Variants in PTCHD4 observed in about 807,000 individuals in gnomAD.
PTCHD4 encodes patched domain-containing protein 4.
PTCHD4 carries 33 observed loss-of-function variants against 58.1 expected under a neutral mutation model. The observed-to-expected ratio is 0.57, with a 90% CI of 0.43 to 0.76. The LOEUF (loss-of-function observed/expected upper bound fraction) is 0.76, where lower values mean the gene tolerates loss of function less well. Among genes scored for constraint, PTCHD4 ranks in the 30% least tolerant of loss-of-function variants. The pLI is 0.00. For synonymous variants in PTCHD4, 478 were observed against 409.6 expected (o/e 1.17, Z -2.02); for missense variants, 1,058 against 1,027.1 (o/e 1.03, Z -0.41).
intron 4 of PTCHD4, among the ~76,000 whole-genome samples, chr6:47,907,651 A>G (rs896935689): frequency 5.3e-5 from 8 of 152,230 alleles, no homozygotes; most frequent in Non-Finnish European, 1.2e-4. Flanking sequence ...CCAAAGGACC[A>G]GAAAATAGCT....
At chr6:48,075,526 A>C (rs1765048315) in intron 1 of PTCHD4, among the ~76,000 whole-genome samples, 1 of 151,992 alleles carries the variant, frequency 6.6e-6, no homozygotes, top group African/African-American at 2.4e-5. Context: ...CATGTCAATA[A>C]ACCTTAGATT....
intron 1 of PTCHD4, among the ~76,000 whole-genome samples, chr6:48,105,498 G>A (rs1765699059): frequency 6.6e-6 from 1 of 152,108 alleles, no homozygotes; most frequent in South Asian, 2.1e-4. Flanking sequence ...GAGAAAGCAG[G>A]AAAGATCTAA....
rs1046224104 is a variant in PTCHD4 at position 47,876,194 on chromosome 6, T to C, written c.*2109A>G. ...CGTACCAAATACCAGTTCATTCTAG[T>C]ACAGCAGTTCATGAGGCAAAAGGCT... On this transcript the variant is annotated 3_prime_UTR_variant, in exon 5 of 5. Transcript: ENST00000339488. Among the ~76,000 whole-genome samples, 1 of 151,842 alleles carries C rather than the reference T, an allele frequency of 6.6e-6. No individual in the cohort carries two copies. Among genetic ancestry groups the C allele is most frequent in the Non-Finnish European group, 1.5e-5 (1 of 67,876 alleles).
rs1332676292 is a variant in PTCHD4, at chr6:48,068,477, G to A, written c.170C>T (p.Ala57Val). 5 of 1,613,582 alleles carry A rather than the reference G, an allele frequency of 3.1e-6. No individual in the cohort carries two copies. Among genetic ancestry groups the A allele is most frequent in the Non-Finnish European group, 4.2e-6 (5 of 1,179,834 alleles). Residue 57 changes from alanine (A) to valine (V), a missense_variant, in exon 3 of 5, where the codon GCG (alanine) becomes GTG (valine). Transcript: ENST00000339488. This position sits in a 1 kb window ranked among gnomAD's most constrained non-coding sequence, Gnocchi z 4.2. ...GCCCTCGGGCTGGAAGCGGTTGAGC[G>A]CGCTGAGGCCGAAGGTGATTGTCAG... ...AVLTITFGLSALNRFQPEGDL... is the reference protein window; with the variant it reads ...AVLTITFGLSVLNRFQPEGDL...
intron 4 of PTCHD4, among the ~76,000 whole-genome samples, chr6:47,936,387 A>C (rs749320209): frequency 1.3e-5 from 2 of 152,176 alleles, no homozygotes; most frequent in Non-Finnish European, 2.9e-5. Context: ...TAGATGGTAA[A>C]TTTTATGGTC....
intron 4 of PTCHD4, among the ~76,000 whole-genome samples, chr6:48,002,292 C>T (rs948073092): frequency 6.6e-6 from 1 of 152,132 alleles, no homozygotes; most frequent in Non-Finnish European, 1.5e-5. Context: ...AATCATGCTG[C>T]TATAAACACA....
intron 4 of PTCHD4, among the ~76,000 whole-genome samples, chr6:47,982,311 C>A (rs866316258): frequency 6.6e-6 from 1 of 152,054 alleles, no homozygotes; most frequent in Non-Finnish European, 1.5e-5. Context: ...TTTGGATTTT[C>A]TCCAACAAAT....
intron 3 of PTCHD4, among the ~76,000 whole-genome samples, chr6:48,052,037 A>G (rs971189544): frequency 2.6e-5 from 4 of 152,058 alleles, no homozygotes; most frequent in African/African-American, 9.7e-5. Flanking sequence ...CTATAACCCC[A>G]GTGCCAAGCA....
intron 1 of PTCHD4, among the ~76,000 whole-genome samples, chr6:48,095,732 C>CCA (rs1765456423): frequency 8.0e-6 from 1 of 124,986 alleles, no homozygotes; most frequent in South Asian, 2.5e-4. Flanking sequence ...CAAAAGGAAC[C>CCA]AAAAAAAAAA....
intron 1 of PTCHD4, among the ~76,000 whole-genome samples, chr6:48,088,451 A>G (rs796227480): frequency 1.3e-5 from 2 of 152,250 alleles, no homozygotes; most frequent in African/African-American, 4.8e-5. Context: ...GTCAACTGAT[A>G]GTGTTAAAGA....
At chr6:47,989,956 A>G (rs1223825220) in intron 4 of PTCHD4, among the ~76,000 whole-genome samples, 1 of 152,124 alleles carries the variant, frequency 6.6e-6, no homozygotes, top group African/African-American at 2.4e-5. Context: ...CAGCCCACAA[A>G]AGCAACCAGG....
At chr6:48,024,144 T>C (rs189500155) in intron 3 of PTCHD4, among the ~76,000 whole-genome samples, 2 of 152,326 alleles carry the variant, frequency 1.3e-5, no homozygotes, top group East Asian at 3.9e-4. Flanking sequence ...ACCCTGTCTG[T>C]TATTTTGTAG....
At chr6:48,050,668 G>T (rs1183937620) in intron 3 of PTCHD4, among the ~76,000 whole-genome samples, 2 of 151,930 alleles carry the variant, frequency 1.3e-5, no homozygotes. Flanking sequence ...TGGAGCATTT[G>T]GTCCATTGAG....
intron 1 of PTCHD4, among the ~76,000 whole-genome samples, chr6:48,092,542 A>G (rs1413166001): frequency 1.3e-5 from 2 of 152,162 alleles, no homozygotes; most frequent in African/African-American, 2.4e-5. Context: ...ATAATTTTTG[A>G]TAGCTCATTG....
At chr6:47,882,365 T>C (rs1246237534) in intron 4 of PTCHD4, among the ~76,000 whole-genome samples, 3 of 152,054 alleles carry the variant, frequency 2.0e-5, no homozygotes, top group Admixed American at 6.6e-5. Context: ...CATATTAGAT[T>C]AGGTAATCAC....
At chr6:47,947,580 CA>C (rs1766473722) in intron 4 of PTCHD4, among the ~76,000 whole-genome samples, 1 of 152,012 alleles carries the variant, frequency 6.6e-6, no homozygotes, top group Non-Finnish European at 1.5e-5. Context: ...TCCATGTTGA[CA>C]GTGTTATATA....
At chr6:48,098,431 C>G (rs948945851) in intron 1 of PTCHD4, among the ~76,000 whole-genome samples, 3 of 151,748 alleles carry the variant, frequency 2.0e-5, no homozygotes, top group African/African-American at 7.3e-5. Context: ...CTCCACCTCC[C>G]AGGTTCAAGT....
chr6:47,949,519 A>C (rs1188544338), intron 4 of PTCHD4, among the ~76,000 whole-genome samples: 1 of 152,150 alleles, frequency 6.6e-6, no homozygotes, highest in African/African-American at 2.4e-5. Flanking sequence ...ACAAGCGGGA[A>C]ATCTGCAGTA....
chr6:47,887,621 A>T (rs1266524993), intron 4 of PTCHD4, among the ~76,000 whole-genome samples: 2 of 152,234 alleles, frequency 1.3e-5, no homozygotes, highest in Non-Finnish European at 2.9e-5. Context: ...AAATGAAATT[A>T]CTTGTTCTAT....
Sources: gnomAD v4.1 joint callset for allele counts (sites outside exome capture counted in the v4.1 genomes callset) on GRCh38, gnomAD v4.1.1 for gene constraint, Gnocchi (gnomAD v3.1) non-coding constraint, MANE v1.5 for transcripts, NCBI Gene and HGNC (gene_info 2026-07-23, HGNC 2026-07-21) for gene names.